ZFHX3: variants seen among roughly 807,000 people sequenced by gnomAD.
ZFHX3 encodes the protein zinc finger homeobox 3.
Under a neutral mutation model 279.1 loss-of-function variants are expected in ZFHX3, and 42 were observed. That is an observed-to-expected ratio of 0.15 (90% confidence interval 0.12 to 0.19). The LOEUF (loss-of-function observed/expected upper bound fraction) is 0.19, where lower values mean the gene tolerates loss of function less well. Among genes scored for constraint, ZFHX3 ranks in the 10% least tolerant of loss-of-function variants. ZFHX3 has a pLI of 1.00. For missense variants in ZFHX3, 4,981 were observed against 4,754.0 expected (o/e 1.05, Z -1.40); for synonymous variants, 2,293 against 1,957.8 (o/e 1.17, Z -4.52).
intron 5 of ZFHX3, among the ~76,000 whole-genome samples, chr16:73,253,534 C>T (rs1428391977): frequency 2.6e-5 from 4 of 151,240 alleles, no homozygotes; most frequent in African/African-American, 9.7e-5. Flanking sequence ...TCACTGCAAG[C>T]TCCGCCTCTC....
intron 4 of ZFHX3, among the ~76,000 whole-genome samples, chr16:73,283,164 G>C (rs1158127412): frequency 6.6e-6 from 1 of 152,204 alleles, no homozygotes; most frequent in Non-Finnish European, 1.5e-5. Context: ...AAACTAATGA[G>C]CGTTGCTGTG....
chr16:73,840,470 A>G (rs1016651305), intron 1 of ZFHX3, among the ~76,000 whole-genome samples: 1 of 152,204 alleles, frequency 6.6e-6, no homozygotes, highest in South Asian at 2.1e-4. Flanking sequence ...TACACAACGT[A>G]ATTTTTCCTG....
intron 2 of ZFHX3, among the ~76,000 whole-genome samples, chr16:73,548,479 T>TTAA (rs71156171): frequency 2.8e-4 from 42 of 150,486 alleles, no homozygotes; most frequent in African/African-American, 2.9e-4. Context: ...TTTTTTTTTT[T>TTAA]AAAAAAAAGT....
At chr16:73,398,193 G>C (rs2017169879) in intron 3 of ZFHX3, among the ~76,000 whole-genome samples, 1 of 152,214 alleles carries the variant, frequency 6.6e-6, no homozygotes, top group Non-Finnish European at 1.5e-5. Flanking sequence ...GTTAGAGGTT[G>C]ACATGGAGAG....
At chr16:73,672,739 T>C (rs1400095540) in intron 2 of ZFHX3, among the ~76,000 whole-genome samples, 1 of 5,836 alleles carries the variant, frequency 1.7e-4, no homozygotes, top group Non-Finnish European at 2.7e-4. Context: ...AGAAAGAGCA[T>C]ATGCTTTTTA....
intron 2 of ZFHX3, among the ~76,000 whole-genome samples, chr16:73,513,688 G>C (rs1294746975): frequency 1.3e-5 from 2 of 152,178 alleles, no homozygotes; most frequent in East Asian, 1.9e-4. Context: ...CTCCTGAGCA[G>C]TGGCAAATGC....
chr16:73,008,064 T>C (rs1215809706), intron 1 of ZFHX3, among the ~76,000 whole-genome samples: 1 of 152,180 alleles, frequency 6.6e-6, no homozygotes, highest in Non-Finnish European at 1.5e-5. Flanking sequence ...AATTCAGTGT[T>C]TTTATCTGTT....
At chr16:73,062,476 A>G (rs1742833111), upstream of ZFHX3, among the ~76,000 whole-genome samples, 1 of 152,216 alleles carries the variant, frequency 6.6e-6, no homozygotes. Context: ...TGCAAATATA[A>G]CATAAAAAGG....
At chr16:73,399,468 T>C (rs1354857609) in intron 3 of ZFHX3, among the ~76,000 whole-genome samples, 1 of 152,156 alleles carries the variant, frequency 6.6e-6, no homozygotes, top group Non-Finnish European at 1.5e-5. Context: ...AGCAAGTTTG[T>C]TTTTTATAAT....
Position 73,595,875 on chromosome 16 carries a change from A to C in ZFHX3, c.-1547+84305T>G, listed in dbSNP as rs562918009. 2.6e-5 allele frequency among the ~76,000 whole-genome samples: 4 copies of C among 152,220 alleles called. No individual in the cohort carries two copies. In the East Asian group the frequency reaches 7.7e-4, roughly 29 times the overall value. On this transcript the variant is annotated intron_variant, in intron 2 of 17. Coordinates refer to the ZFHX3 transcript ENST00000641206. ...CTCACCTCTGCATCCCATCTATCCCAAATCCCAGTAGATTATAACTCTGAA... is the reference window on the plus strand; with the variant it reads ...CTCACCTCTGCATCCCATCTATCCCCAATCCCAGTAGATTATAACTCTGAA...
chr16:72,944,338 T>A (rs977259044), intron 3 of ZFHX3, among the ~76,000 whole-genome samples: 11 of 152,180 alleles, frequency 7.2e-5, no homozygotes, highest in Non-Finnish European at 1.2e-4. Context: ...TAAAGATTTT[T>A]AAAAATGAAC....
At chr16:73,509,844 C>G (rs1194717381) in intron 2 of ZFHX3, among the ~76,000 whole-genome samples, 1 of 152,082 alleles carries the variant, frequency 6.6e-6, no homozygotes, top group Non-Finnish European at 1.5e-5. Flanking sequence ...CATAGGGACC[C>G]ACCACCATGC....
At chr16:73,512,177 C>T (rs560070902) in intron 2 of ZFHX3, among the ~76,000 whole-genome samples, 1 of 150,666 alleles carries the variant, frequency 6.6e-6, no homozygotes, top group Non-Finnish European at 1.5e-5. Context: ...TGCCTGTAAT[C>T]CCAGCACTTT....
intron 1 of ZFHX3, among the ~76,000 whole-genome samples, chr16:72,983,591 C>A (rs570099983): frequency 6.6e-6 from 1 of 152,312 alleles, no homozygotes; most frequent in South Asian, 2.1e-4. Context: ...CCTGTAGTCC[C>A]AGCTACTCAG....
Position 73,243,931 on chromosome 16 carries a change from T to C in ZFHX3, c.-1104+13116A>G, listed in dbSNP as rs149268658. On this transcript the variant is annotated intron_variant, in intron 5 of 17. Coordinates refer to the ZFHX3 transcript ENST00000641206. ...AAGTGACATCATGGAGGTTCAGAGA[T>C]GGTAGAGAATGCCGGTAGAGAACGC... 5.9e-5 allele frequency among the ~76,000 whole-genome samples: 9 copies of C among 152,286 alleles called. No homozygotes were observed. In the East Asian group the frequency reaches 1.7e-3, roughly 29 times the overall value.
intron 1 of ZFHX3, among the ~76,000 whole-genome samples, chr16:73,700,259 A>C (rs1235580990): frequency 1.3e-5 from 2 of 152,130 alleles, no homozygotes; most frequent in Non-Finnish European, 2.9e-5. Flanking sequence ...TTCTTCTAAA[A>C]AGTTGATGTT....
intron 5 of ZFHX3, among the ~76,000 whole-genome samples, chr16:73,160,318 G>A (rs758485427): frequency 2.6e-5 from 4 of 152,126 alleles, no homozygotes; most frequent in African/African-American, 4.8e-5. Flanking sequence ...TAAATAGCCC[G>A]TCAACCAAAA....
intron 2 of ZFHX3, among the ~76,000 whole-genome samples, chr16:73,467,825 C>T (rs755650933): frequency 1.3e-5 from 2 of 152,190 alleles, no homozygotes; most frequent in Non-Finnish European, 2.9e-5. Flanking sequence ...AGATTTTTGT[C>T]TGCTCTTCCT....
At chr16:72,984,341 G>A (rs1273011699) in intron 1 of ZFHX3, among the ~76,000 whole-genome samples, 2 of 152,108 alleles carry the variant, frequency 1.3e-5, no homozygotes, top group African/African-American at 4.8e-5. Context: ...AAATTCACTG[G>A]TGAGGCCAGG....
Sources: allele counts gnomAD v4.1 joint callset (sites outside exome capture counted in the v4.1 genomes callset), GRCh38; gene constraint gnomAD v4.1.1; transcripts MANE v1.5; gene names NCBI Gene and HGNC (gene_info 2026-07-23, HGNC 2026-07-21).